RBSN: variants seen among roughly 807,000 people sequenced by gnomAD.
RBSN encodes the protein rabenosyn-5.
Under a neutral mutation model 60.5 loss-of-function variants are expected in RBSN, and 34 were observed. That is an observed-to-expected ratio of 0.56 (90% CI 0.43 to 0.75). RBSN has a LOEUF of 0.75. RBSN is among the 30% of genes least tolerant of loss of function. The pLI is 0.00. For missense variants in RBSN, 845 were observed against 986.8 expected, an observed-to-expected ratio of 0.86 and a Z score of 1.92; for synonymous variants, 322 against 366.9, an observed-to-expected ratio of 0.88 and a Z score of 1.40.
At position 15,074,452 on chromosome 3, in the gene RBSN, C is replaced by T. The variant is rs2042997589; in HGVS notation, c.1685G>A (p.Ser562Asn). ...REIGPFQLEP[S>N]REPRTHLAYA... The stretch of plus-strand genomic sequence containing the variant: ...AGCAAGGTGGGTGCGAGGCTCTCTG[C>T]TGGGCTCCAGCTGAAAAGGGCCGAT... The change falls in exon 14 of 14, where the codon AGC becomes AAC. Residue 562 changes from serine to asparagine, a missense_variant. Physicochemically the swap from Ser to Asn is conservative, Grantham distance 46 (BLOSUM62 1). Transcript: ENST00000253699. This position sits in a 1 kb window ranked among gnomAD's most constrained non-coding sequence, Gnocchi z 6.4. 3.7e-6 allele frequency: 6 copies of T among 1,614,118 alleles called. No homozygotes were observed. The highest frequency in any genetic ancestry group is 5.1e-6 in the Non-Finnish European group (6 of 1,180,050).
chr3:15,078,875 G>C (rs1466317693), intron 10 of RBSN, among the ~76,000 whole-genome samples: 1 of 129,226 alleles, frequency 7.7e-6, no homozygotes, highest in African/African-American at 3.0e-5. Flanking sequence ...TTTTAAAAAA[G>C]GCACATCTAC....
intron 10 of RBSN, among the ~76,000 whole-genome samples, chr3:15,078,818 A>ATG (rs2043131724): frequency 2.6e-5 from 3 of 115,022 alleles, no homozygotes; most frequent in Admixed American, 8.9e-5. Flanking sequence ...ATATATATAT[A>ATG]TATATACATG....
chr3:15,071,533 G>A lies in RBSN; in HGVS notation c.*2249C>T, dbSNP rs2042926297. The A allele has an allele frequency of 6.6e-6, 1 of 152,212 alleles. No homozygotes were observed. The highest frequency in any genetic ancestry group is 2.4e-5 in the African/African-American group (1 of 41,440). The allele number at this position is 152,212 out of a possible 1,614,324, so 9.4% of individuals were successfully genotyped here. Reference sequence around the variant, plus strand: ...CAACCAGCAGGGTTGGTAACTGGCTGACATTCATTAACACACTCATATGGC... The same window carrying A: ...CAACCAGCAGGGTTGGTAACTGGCTAACATTCATTAACACACTCATATGGC... On this transcript the variant is annotated 3_prime_UTR_variant, in exon 14 of 14. Transcript: ENST00000253699.
intron 6 of RBSN, among the ~76,000 whole-genome samples, chr3:15,085,368 G>A (rs767995899): frequency 3.3e-5 from 5 of 152,158 alleles, no homozygotes; most frequent in South Asian, 4.1e-4. Context: ...CGGTGCTCCT[G>A]GACCCTAAAA....
In RBSN at chr3:15,096,212, G is replaced by C; in HGVS notation, c.-92C>G. ...AGGAACCATGGTTCCCGCAGCATTAGCTTAAGCAGCACACAGATGGTGAGG... is the reference window on the plus strand; with the variant it reads ...AGGAACCATGGTTCCCGCAGCATTACCTTAAGCAGCACACAGATGGTGAGG... On this transcript the variant is annotated 5_prime_UTR_variant, in exon 4 of 14. Transcript: ENST00000253699. 7.2e-7 allele frequency: 1 copy of C among 1,385,208 alleles called. No individual in the cohort carries two copies. The allele number at this position is 1,385,208 out of a possible 1,614,324, so 85.8% of individuals were successfully genotyped here.
rs1483407096 is a variant in RBSN at position 15,071,560 on chromosome 3, GT to G, written c.*2221del. 1 of 152,226 alleles carries G rather than the reference GT, an allele frequency of 6.6e-6. No homozygotes were observed. The highest frequency in any genetic ancestry group is 2.4e-5 in the African/African-American group (1 of 41,456). The allele number at this position is 152,226 out of a possible 1,614,324, so 9.4% of individuals were successfully genotyped here. A position where few individuals can be genotyped will look rare whatever the true frequency, so the allele number is the denominator to read the frequency against. ...CATTCATTAACACACTCATATGGCT[GT>G]TTGTGAACAGATCCCAAATGCAAAG... On this transcript the variant is annotated 3_prime_UTR_variant, in exon 14 of 14. Coordinates refer to ENST00000253699, the MANE Select transcript of RBSN (RefSeq NM_022340.4).
intron 10 of RBSN, among the ~76,000 whole-genome samples, chr3:15,080,227 G>C (rs2043169142): frequency 6.7e-6 from 1 of 149,608 alleles, no homozygotes; most frequent in Non-Finnish European, 1.5e-5. Context: ...CCTGGCAACA[G>C]AGTGAGACTC....
chr3:15,077,290 C>A lies in RBSN; in HGVS notation c.999-126G>T. ...GGTGTGTAAAGATGGACAAGTGACT[C>A]CATTGAAGTTTCTTTGAAGGCAAAG... On this transcript the variant is annotated intron_variant, in intron 11 of 13. Coordinates refer to ENST00000253699, the MANE Select transcript of RBSN (RefSeq NM_022340.4). The surrounding 1 kb of genome is among the most constrained non-coding windows in gnomAD (Gnocchi z 4.4). 3.8e-6 allele frequency: 3 copies of A among 781,982 alleles called. No homozygotes were observed. Among genetic ancestry groups the A allele is most frequent in the South Asian group, 3.1e-5 (2 of 63,696 alleles). The allele number at this position is 781,982 out of a possible 1,614,324, so 48.4% of individuals were successfully genotyped here. A position where few individuals can be genotyped will look rare whatever the true frequency, so the allele number is the denominator to read the frequency against.
In RBSN at chr3:15,082,701, TTGGA is replaced by T. The variant is rs2043236765; in HGVS notation, c.599-97_599-94del. On this transcript the variant is annotated intron_variant, in intron 8 of 13. Transcript: ENST00000253699. The surrounding 1 kb of genome is among the most constrained non-coding windows in gnomAD (Gnocchi z 4.2). ...AGGTGTCAGTCCACAGGTGTTTGAT[TTGGA>T]GAGTAATAAGATCAGGCTCCAGCTG... The T allele has an allele frequency of 2.0e-6, 3 of 1,506,284 alleles. No homozygotes were observed. Among genetic ancestry groups the T allele is most frequent in the Non-Finnish European group, 2.7e-6 (3 of 1,118,116 alleles). 93.3% of individuals were successfully genotyped at this position (1,506,284 alleles called of 1,614,324 possible).
At chr3:15,092,163 T>G (rs1165122489) in intron 4 of RBSN, among the ~76,000 whole-genome samples, 3 of 152,122 alleles carry the variant, frequency 2.0e-5, no homozygotes, top group Admixed American at 2.0e-4. Flanking sequence ...ACTATAGGTG[T>G]GCGCCACCAT....
rs56358924 is a variant in RBSN, at chr3:15,072,393, A to G, written c.*1389T>C. 0.029 allele frequency: 4,440 copies of G among 152,304 alleles called. 224 individuals are homozygous for G. The highest frequency in any genetic ancestry group is 0.1 in the African/African-American group (4,152 of 41,538). 9.4% of individuals were successfully genotyped at this position (152,304 alleles called of 1,614,324 possible). ...GGCAACAAAGTGAAACTCTGTCTCAAAAAAAATAAAAAATCTCATCAGTGC... is the reference window on the plus strand; with the variant it reads ...GGCAACAAAGTGAAACTCTGTCTCAGAAAAAATAAAAAATCTCATCAGTGC... On this transcript the variant is annotated 3_prime_UTR_variant, in exon 14 of 14. Transcript: ENST00000253699.
chr3:15,092,164 G>A (rs1425175989), intron 4 of RBSN, among the ~76,000 whole-genome samples: 1 of 151,994 alleles, frequency 6.6e-6, no homozygotes, highest in Non-Finnish European at 1.5e-5. Flanking sequence ...CTATAGGTGT[G>A]CGCCACCATG....
At chr3:15,089,767 C>T (rs1027100157) in intron 5 of RBSN, among the ~76,000 whole-genome samples, 1 of 152,000 alleles carries the variant, frequency 6.6e-6, no homozygotes, top group African/African-American at 2.4e-5. Flanking sequence ...CCCGCCACCA[C>T]GCCCGGCTAA....
rs1284164549 is a variant in RBSN at position 15,070,111 on chromosome 3, A to G, written c.*3671T>C. ...TTTATTTTTTTTAAAAAAGGCTCCAATACAAGGCCCCAGAGTAGTGCATGC... is the reference window on the plus strand; with the variant it reads ...TTTATTTTTTTTAAAAAAGGCTCCAGTACAAGGCCCCAGAGTAGTGCATGC... On this transcript the variant is annotated 3_prime_UTR_variant, in exon 14 of 14. Coordinates refer to ENST00000253699, the MANE Select transcript of RBSN (RefSeq NM_022340.4). The G allele has an allele frequency of 1.3e-5, 2 of 152,624 alleles. No homozygotes were observed. The highest frequency in any genetic ancestry group is 1.3e-4 in the Admixed American group (2 of 15,276). The allele number at this position is 152,624 out of a possible 1,614,324, so 9.5% of individuals were successfully genotyped here.
chr3:15,098,359 A>G (rs2043724845), intron 1 of RBSN, 85 bp from the exon 2 acceptor site: 1 of 92,320 alleles, frequency 1.1e-5, no homozygotes, highest in South Asian at 4.4e-4. Context: ...AACTAAGCAT[A>G]CACCATAAAG....
chr3:15,093,370 C>T (rs975204588), intron 4 of RBSN, among the ~76,000 whole-genome samples: 3 of 152,198 alleles, frequency 2.0e-5, no homozygotes, highest in South Asian at 2.1e-4. Context: ...GTAGAGATGT[C>T]GGGGGTAAGG....
Position 15,085,885 on chromosome 3 carries a change from A to G in RBSN, c.366T>C (p.Asn122=). 1 of 1,614,054 alleles carries G rather than the reference A, an allele frequency of 6.2e-7. No homozygotes were observed. Among genetic ancestry groups the G allele is most frequent in the Non-Finnish European group, 8.5e-7 (1 of 1,179,978 alleles). Residue 122 remains asparagine (N), a synonymous_variant, in exon 6 of 14, where the codon AAT becomes AAC. Coordinates refer to ENST00000253699, the MANE Select transcript of RBSN (RefSeq NM_022340.4). The part of the protein sequence containing the change: ...ARIDHYVVEV[N]KLIIRLEKLT... ...CCTTCTCTAACCTGATTATTAGTTT[A>G]TTGACTTCCACAACATAGTGGTCAA...
Position 15,090,382 on chromosome 3 carries a change from T to C in RBSN, c.289+17A>G. Reference sequence around the variant, plus strand: ...GCTCAATAACCACTTGCTGAATGAATAAATGAATTTTCTTACCAAGCTCCT... The same window carrying C: ...GCTCAATAACCACTTGCTGAATGAACAAATGAATTTTCTTACCAAGCTCCT... On this transcript the variant is annotated intron_variant, in intron 5 of 13. Transcript: ENST00000253699. 1 of 1,611,308 alleles carries C rather than the reference T, an allele frequency of 6.2e-7. No individual in the cohort carries two copies. The highest frequency in any genetic ancestry group is 8.5e-7 in the Non-Finnish European group (1 of 1,179,200).
intron 12 of RBSN, 90 bp downstream of exon 12, chr3:15,076,970 TAA>T (rs764571121): frequency 2.8e-5 from 29 of 1,021,074 alleles, no homozygotes; most frequent in Non-Finnish European, 3.8e-5. Context: ...AAATAGGAAG[TAA>T]ACAAGTCATT....
Sources: allele counts gnomAD v4.1 joint callset (sites outside exome capture counted in the v4.1 genomes callset), GRCh38; gene constraint gnomAD v4.1.1; non-coding constraint Gnocchi (gnomAD v3.1); transcripts MANE v1.5; gene names NCBI Gene and HGNC (gene_info 2026-07-23, HGNC 2026-07-21).